The following LINGO2 variants were observed in gnomAD, a reference collection of about 807,000 sequenced individuals.
The protein encoded by LINGO2 is leucine-rich repeat and immunoglobulin-like domain-containing nogo receptor-interacting protein 2.
Under a neutral mutation model 30.6 loss-of-function variants are expected in LINGO2, and 14 were observed. The ratio of observed to expected loss-of-function variants is 0.46; its 90% CI spans 0.30 to 0.72. The LOEUF is 0.72. Among genes scored for constraint, LINGO2 ranks in the 30% least tolerant of loss-of-function variants. The probability of loss-of-function intolerance (pLI) is 0.07; values close to 1 mark genes in which losing one functional copy is unlikely to be tolerated. For missense variants in LINGO2, 729 were observed against 751.7 expected, an observed-to-expected ratio of 0.97 and a Z score of 0.35; for synonymous variants, 317 against 288.5, an observed-to-expected ratio of 1.10 and a Z score of -1.00.
chr9:28,092,276 G>A (rs1826114158), intron 4 of LINGO2, among the ~76,000 whole-genome samples: 3 of 152,078 alleles, frequency 2.0e-5, no homozygotes, highest in Non-Finnish European at 4.4e-5. Flanking sequence ...ATTCACAATA[G>A]CAAAGACTTG....
chr9:28,791,658 A>G, the LINGO2 span, among the ~76,000 whole-genome samples: 2 of 151,976 alleles, frequency 1.3e-5, no homozygotes, highest in Non-Finnish European at 2.9e-5. Flanking sequence ...TGAAATAAAA[A>G]AGTACTCTAC....
chr9:28,620,831 T>A, intron 1 of LINGO2, among the ~76,000 whole-genome samples: 1 of 150,930 alleles, frequency 6.6e-6, no homozygotes, highest in Non-Finnish European at 1.5e-5. Flanking sequence ...TTTCGGAGGG[T>A]GGAGGGTGGG....
At chr9:28,308,426 T>C (rs1436483660) in intron 3 of LINGO2, among the ~76,000 whole-genome samples, 7,451 of 137,124 alleles carry the variant, frequency 0.054, 509 homozygotes, top group African/African-American at 0.21. Flanking sequence ...ATACAAAAAT[T>C]AATTCAAGAT....
At chr9:28,000,032 A>C (rs1270884276) in intron 5 of LINGO2, among the ~76,000 whole-genome samples, 1 of 152,330 alleles carries the variant, frequency 6.6e-6, no homozygotes, top group East Asian at 1.9e-4. Flanking sequence ...ATTGTTTTCT[A>C]AAACCTCTTT....
chr9:28,685,977 A>ATGTG, the LINGO2 span, among the ~76,000 whole-genome samples: 19,078 of 145,534 alleles, frequency 0.13, 1,233 homozygotes, highest in African/African-American at 0.15. Context: ...AACATATATG[A>ATGTG]TGTGTGTGTG....
At chr9:27,944,254 C>G (rs1211646677), downstream of LINGO2, 1 of 152,188 alleles carries the variant, frequency 6.6e-6, no homozygotes, top group African/African-American at 2.4e-5. Flanking sequence ...ACCTTGTTTA[C>G]TTGGCTAAAC....
chr9:28,375,928 T>C (rs1172039782), intron 2 of LINGO2, among the ~76,000 whole-genome samples: 1 of 152,166 alleles, frequency 6.6e-6, no homozygotes, highest in Non-Finnish European at 1.5e-5. Context: ...TACTTTGGGC[T>C]CCTGTGCCAA....
intron 3 of LINGO2, among the ~76,000 whole-genome samples, chr9:28,309,374 T>C (rs1289645368): frequency 2.7e-5 from 4 of 150,082 alleles, no homozygotes; most frequent in Non-Finnish European, 5.9e-5. Context: ...TAGGTGGGAA[T>C]TGAACAATGA....
At chr9:28,791,114 C>A in the LINGO2 span, among the ~76,000 whole-genome samples, 2 of 151,988 alleles carry the variant, frequency 1.3e-5, no homozygotes, top group African/African-American at 4.8e-5. Context: ...AATTATATCC[C>A]CTTCCTTTCT....
At chr9:28,052,044 GTTC>G (rs1402503872) in intron 4 of LINGO2, among the ~76,000 whole-genome samples, 1 of 151,978 alleles carries the variant, frequency 6.6e-6, no homozygotes, top group East Asian at 1.9e-4. Context: ...TGCTCTCTGC[GTTC>G]TTATCACTTT....
the LINGO2 span, among the ~76,000 whole-genome samples, chr9:28,872,224 C>G: frequency 1.3e-5 from 2 of 151,974 alleles, no homozygotes; most frequent in African/African-American, 4.8e-5. Context: ...CAAAAAGAAA[C>G]TCTAGCCTTT....
rs767920785 is a variant in LINGO2, at chr9:27,948,866, G to A, written c.1806C>T (p.Asn602=). ...GGGTGGGCCTTCAAATCATTTTCAT[G>A]TTGAACCTCCTGGGTCCAGCTACCT... Residue 602 remains asparagine, a synonymous_variant, in exon 6 of 6, where the codon AAC becomes AAT. Coordinates refer to ENST00000379992, the Ensembl canonical transcript of LINGO2. The A allele has an allele frequency of 4.4e-6, 7 of 1,608,094 alleles. No individual in the cohort carries two copies. The South Asian group carries it at 6.7e-5, about 15-fold the overall frequency.
At chr9:28,550,270 T>G (rs1055710755) in intron 1 of LINGO2, among the ~76,000 whole-genome samples, 1 of 151,828 alleles carries the variant, frequency 6.6e-6, no homozygotes, top group Non-Finnish European at 1.5e-5. Context: ...ATTCTCTCAT[T>G]TTATGTGCTA....
the LINGO2 span, among the ~76,000 whole-genome samples, chr9:29,062,581 C>T: frequency 6.6e-5 from 10 of 151,976 alleles, no homozygotes; most frequent in Admixed American, 1.3e-4. Flanking sequence ...AATAAGCCAG[C>T]CACAAAATGA....
the LINGO2 span, among the ~76,000 whole-genome samples, chr9:28,938,788 T>G: frequency 6.6e-6 from 1 of 152,154 alleles, no homozygotes; most frequent in Non-Finnish European, 1.5e-5. Flanking sequence ...AACAATGGGT[T>G]TCTCAGAATG....
At chr9:28,611,764 G>A (rs971235211) in intron 1 of LINGO2, among the ~76,000 whole-genome samples, 3 of 151,636 alleles carry the variant, frequency 2.0e-5, no homozygotes, top group African/African-American at 7.3e-5. Context: ...GTGTGTCTGT[G>A]TCTGCATATG....
chr9:28,653,415 G>A (rs1409204383), intron 1 of LINGO2, among the ~76,000 whole-genome samples: 4 of 152,074 alleles, frequency 2.6e-5, no homozygotes, highest in Non-Finnish European at 5.9e-5. Context: ...AATTATAATA[G>A]GCCATAGCCC....
At chr9:28,957,750 C>T in the LINGO2 span, among the ~76,000 whole-genome samples, 1 of 152,078 alleles carries the variant, frequency 6.6e-6, no homozygotes, top group Non-Finnish European at 1.5e-5. Context: ...AGAGGTTTGG[C>T]AAAGTAAAAT....
At chr9:28,151,262 A>G (rs1032267919) in intron 4 of LINGO2, among the ~76,000 whole-genome samples, 2 of 152,096 alleles carry the variant, frequency 1.3e-5, no homozygotes, top group African/African-American at 4.8e-5. Flanking sequence ...ATAGTAAGAG[A>G]TTGATAGAAA....
Sources: gnomAD v4.1 joint callset for allele counts (sites outside exome capture counted in the v4.1 genomes callset) on GRCh38, gnomAD v4.1.1 for gene constraint, MANE v1.5 for transcripts, NCBI Gene and HGNC (gene_info 2026-07-23, HGNC 2026-07-21) for gene names.